The following LRRC37A2 variants were observed in gnomAD, a reference collection of about 807,000 sequenced individuals.
LRRC37A2 encodes leucine rich repeat containing 37 member A2.
LRRC37A2 carries 9 observed loss-of-function variants against 68.8 expected under a neutral mutation model. The ratio of observed to expected loss-of-function variants is 0.13; its 90% confidence interval spans 0.08 to 0.23. The LOEUF (loss-of-function observed/expected upper bound fraction) is 0.23. Among genes scored for constraint, LRRC37A2 ranks in the 10% least tolerant of loss-of-function variants. LRRC37A2 has a pLI of 1.00. For missense variants in LRRC37A2, 168 were observed against 950.4 expected (o/e 0.18, Z 10.82); for synonymous variants, 63 against 367.6 (o/e 0.17, Z 9.48).
At chr17:47,024,441 A>T in the LRRC37A2 span, among the ~76,000 whole-genome samples, 2 of 152,072 alleles carry the variant, frequency 1.3e-5, no homozygotes, top group African/African-American at 4.8e-5. Flanking sequence ...AAATAATACA[A>T]TTTGGTGGGA....
chr17:46,499,012 G>T, the LRRC37A2 span, among the ~76,000 whole-genome samples: 4 of 149,952 alleles, frequency 2.7e-5, no homozygotes, highest in Non-Finnish European at 5.9e-5. Flanking sequence ...ACAATGTCTG[G>T]CAAATAGAAA....
the LRRC37A2 span, among the ~76,000 whole-genome samples, chr17:46,841,892 G>C: frequency 6.6e-6 from 1 of 152,230 alleles, no homozygotes. Context: ...GCTCCTCTGC[G>C]GTGTGTGGGG....
chr17:46,816,195 C>T, the LRRC37A2 span, among the ~76,000 whole-genome samples: 3 of 150,296 alleles, frequency 2.0e-5, no homozygotes, highest in Non-Finnish European at 3.0e-5. Context: ...TCAAGCCCAG[C>T]GTCACAGGCA....
At chr17:46,730,862 C>T in the LRRC37A2 span, among the ~76,000 whole-genome samples, 1 of 152,108 alleles carries the variant, frequency 6.6e-6, no homozygotes, top group Non-Finnish European at 1.5e-5. Flanking sequence ...TAGTGAGATA[C>T]CACTCATTGC....
chr17:46,800,475 T>G, the LRRC37A2 span, among the ~76,000 whole-genome samples: 1 of 152,102 alleles, frequency 6.6e-6, no homozygotes, highest in East Asian at 1.9e-4. Context: ...TCGCTAGTGA[T>G]GCAGAGGCCT....
the LRRC37A2 span, chr17:46,938,700 G>T: frequency 6.2e-7 from 1 of 1,613,754 alleles, no homozygotes; most frequent in Non-Finnish European, 8.5e-7. Context: ...AGTACTTTAT[G>T]ATAGGTGGGA....
At chr17:46,501,700 A>G in the LRRC37A2 span, among the ~76,000 whole-genome samples, 1 of 151,276 alleles carries the variant, frequency 6.6e-6, no homozygotes, top group South Asian at 2.1e-4. Context: ...GAGCCACAGA[A>G]TGATATCTCA....
At chr17:46,534,881 TCTC>T (rs2054391010) in intron 6 of LRRC37A2, among the ~76,000 whole-genome samples, 1 of 149,632 alleles carries the variant, frequency 6.7e-6, no homozygotes, top group African/African-American at 2.5e-5. Flanking sequence ...GCTCCTCACT[TCTC>T]AGACGGGGCG....
chr17:46,968,252 C>T, the LRRC37A2 span, among the ~76,000 whole-genome samples: 3 of 152,202 alleles, frequency 2.0e-5, no homozygotes, highest in East Asian at 5.8e-4. Flanking sequence ...CCAACTTCCT[C>T]CATTCCAGAC....
At chr17:47,030,085 AATAATCATCATCATC>A in the LRRC37A2 span, among the ~76,000 whole-genome samples, 99 of 49,540 alleles carry the variant, frequency 2.0e-3, 2 homozygotes, top group African/African-American at 5.6e-3. Flanking sequence ...TAATAATAAT[AATAATCATCATCATC>A]ATCATCATCA....
At chr17:46,907,694 A>C in the LRRC37A2 span, among the ~76,000 whole-genome samples, 3 of 82,500 alleles carry the variant, frequency 3.6e-5, no homozygotes, top group African/African-American at 6.2e-5. Flanking sequence ...AAAAACAAAA[A>C]ACCCAAAATT....
At chr17:46,401,421 AT>A in the LRRC37A2 span, among the ~76,000 whole-genome samples, 1 of 146,886 alleles carries the variant, frequency 6.8e-6, no homozygotes, top group Non-Finnish European at 1.5e-5. Context: ...TAAGTGGAGA[AT>A]TGTAGAATGA....
chr17:46,929,754 T>C, the LRRC37A2 span: 1 of 609,844 alleles, frequency 1.6e-6, no homozygotes, highest in South Asian at 1.8e-5. Context: ...TTTCCCTGAG[T>C]GTGCCCTTTG....
At chr17:46,811,166 C>T in the LRRC37A2 span, among the ~76,000 whole-genome samples, 5 of 101,052 alleles carry the variant, frequency 4.9e-5, 1 homozygote, top group Admixed American at 4.6e-4. Flanking sequence ...TACCCCTGCC[C>T]GCCCTACACC....
the LRRC37A2 span, among the ~76,000 whole-genome samples, chr17:46,983,327 C>G: frequency 8.6e-6 from 1 of 115,812 alleles, no homozygotes; most frequent in African/African-American, 3.4e-5. Context: ...GACGGAGTCT[C>G]GCTATGTCAC....
the LRRC37A2 span, among the ~76,000 whole-genome samples, chr17:46,914,501 A>C: frequency 1.3e-5 from 2 of 151,892 alleles, no homozygotes; most frequent in Non-Finnish European, 2.9e-5. Flanking sequence ...ATACAAAAAA[A>C]TTAGCCAGGC....
chr17:46,860,717 T>G, the LRRC37A2 span, among the ~76,000 whole-genome samples: 1 of 152,268 alleles, frequency 6.6e-6, no homozygotes, highest in Non-Finnish European at 1.5e-5. Flanking sequence ...TTCTTCTCTG[T>G]GCCTGTATCC....
At chr17:46,692,574 T>C in the LRRC37A2 span, among the ~76,000 whole-genome samples, 1 of 146,414 alleles carries the variant, frequency 6.8e-6, no homozygotes, top group South Asian at 2.2e-4. Context: ...AAATGTAAGG[T>C]CTTTCAAATA....
the LRRC37A2 span, among the ~76,000 whole-genome samples, chr17:46,601,828 C>T: frequency 1.3e-5 from 2 of 150,760 alleles, no homozygotes; most frequent in Non-Finnish European, 2.9e-5. Context: ...TTTGGCATTT[C>T]TTGGCTCTTT....
Sources: gnomAD v4.1 joint callset for allele counts (sites outside exome capture counted in the v4.1 genomes callset) on GRCh38, gnomAD v4.1.1 for gene constraint, MANE v1.5 for transcripts, NCBI Gene and HGNC (gene_info 2026-07-23, HGNC 2026-07-21) for gene names.